The following NRXN1 variants were observed in gnomAD, a reference collection of about 807,000 sequenced individuals.
NRXN1 encodes the protein neurexin 1.
A neutral mutation model predicts 150.9 loss-of-function variants in NRXN1; 39 were observed. The ratio of observed to expected loss-of-function variants is 0.26; its 90% confidence interval spans 0.20 to 0.34. The LOEUF is 0.34. Ranked by LOEUF, NRXN1 falls within the 10% of genes least tolerant of loss-of-function variation. NRXN1 has a pLI of 1.00. For missense variants in NRXN1, 1,815 were observed against 1,949.9 expected (o/e 0.93, Z 1.30); for synonymous variants, 924 against 757.0 (o/e 1.22, Z -3.62).
chr2:50,304,247 C>A (rs2074415697), intron 17 of NRXN1, among the ~76,000 whole-genome samples: 1 of 152,082 alleles, frequency 6.6e-6, no homozygotes, highest in Non-Finnish European at 1.5e-5. Flanking sequence ...GTACCCAGAA[C>A]TGTGCACATT....
intron 5 of NRXN1, among the ~76,000 whole-genome samples, chr2:50,701,571 G>T (rs925372341): frequency 6.6e-6 from 1 of 152,108 alleles, no homozygotes; most frequent in Non-Finnish European, 1.5e-5. Flanking sequence ...GTTAGCACAT[G>T]ATTACCTACC....
chr2:50,968,410 T>C (rs893478027), intron 2 of NRXN1, among the ~76,000 whole-genome samples: 1 of 152,096 alleles, frequency 6.6e-6, no homozygotes, highest in Admixed American at 6.6e-5. Flanking sequence ...GTGACCAAAA[T>C]GAACTCTATT....
intron 5 of NRXN1, among the ~76,000 whole-genome samples, chr2:50,746,291 C>A (rs933774498): frequency 6.6e-6 from 1 of 152,028 alleles, no homozygotes; most frequent in South Asian, 2.1e-4. Flanking sequence ...GGCACAGGGG[C>A]TCATGCCTGT....
intron 19 of NRXN1, among the ~76,000 whole-genome samples, chr2:50,081,376 C>T (rs113234338): frequency 1.9e-4 from 29 of 151,906 alleles, no homozygotes; most frequent in African/African-American, 5.8e-4. Context: ...CAAGAGATCG[C>T]GACCATCCTG....
At chr2:50,583,298 T>A (rs915038846) in intron 8 of NRXN1, among the ~76,000 whole-genome samples, 23 of 152,104 alleles carry the variant, frequency 1.5e-4, no homozygotes, top group Non-Finnish European at 1.5e-5. Flanking sequence ...TGCCTCAGCC[T>A]CCCAAACTGC....
At chr2:50,222,043 G>A (rs1206793120) in intron 18 of NRXN1, among the ~76,000 whole-genome samples, 1 of 151,964 alleles carries the variant, frequency 6.6e-6, no homozygotes, top group East Asian at 1.9e-4. Context: ...GTGACTAGAG[G>A]CAAAATTAAG....
intron 18 of NRXN1, among the ~76,000 whole-genome samples, chr2:50,098,199 T>C (rs570880400): frequency 1.1e-4 from 17 of 152,216 alleles, no homozygotes; most frequent in Admixed American, 2.0e-4. Flanking sequence ...TAATAAAAAG[T>C]ATGTAATATG....
chr2:50,259,786 A>C (rs991016762), intron 17 of NRXN1, among the ~76,000 whole-genome samples: 3 of 151,822 alleles, frequency 2.0e-5, no homozygotes, highest in Non-Finnish European at 2.9e-5. Flanking sequence ...ACTATACTAT[A>C]TTGTCCCAGG....
intron 21 of NRXN1, among the ~76,000 whole-genome samples, chr2:49,986,418 C>A (rs1291544688): frequency 6.6e-6 from 1 of 152,112 alleles, no homozygotes; most frequent in Non-Finnish European, 1.5e-5. Flanking sequence ...CAAAAACATA[C>A]ATTTTAAAGA....
At chr2:50,802,792 G>C (rs1187469796) in intron 5 of NRXN1, among the ~76,000 whole-genome samples, 1 of 152,120 alleles carries the variant, frequency 6.6e-6, no homozygotes, top group Non-Finnish European at 1.5e-5. Context: ...GACACACACA[G>C]AGGGAGGAGG....
At chr2:50,612,335 G>C (rs1678294936) in intron 8 of NRXN1, among the ~76,000 whole-genome samples, 1 of 152,056 alleles carries the variant, frequency 6.6e-6, no homozygotes, top group African/African-American at 2.4e-5. Flanking sequence ...ATTCAAAAAA[G>C]GGCTAGTAAA....
intron 5 of NRXN1, among the ~76,000 whole-genome samples, chr2:50,792,509 A>G (rs914589555): frequency 1.3e-5 from 2 of 152,082 alleles, no homozygotes; most frequent in Non-Finnish European, 1.5e-5. Flanking sequence ...GTTATTTGCT[A>G]ATATAATAGA....
intron 20 of NRXN1, 45 bp downstream of exon 20, chr2:50,054,910 G>A: frequency 7.7e-7 from 1 of 1,303,612 alleles, no homozygotes. Flanking sequence ...ACTTGGTTAT[G>A]TTCAAATTAT....
At chr2:51,021,644 T>C (rs1016658163) in intron 2 of NRXN1, among the ~76,000 whole-genome samples, 1 of 152,008 alleles carries the variant, frequency 6.6e-6, no homozygotes, top group Non-Finnish European at 1.5e-5. Flanking sequence ...AAGCCAAATA[T>C]ATTACCTATC....
intron 17 of NRXN1, among the ~76,000 whole-genome samples, chr2:50,314,863 A>G (rs1471466325): frequency 6.6e-6 from 1 of 151,624 alleles, no homozygotes; most frequent in African/African-American, 2.4e-5. Flanking sequence ...CAATTTTTCA[A>G]CCCTTCTGAG....
chr2:50,048,602 A>C (rs1473580897), intron 21 of NRXN1, among the ~76,000 whole-genome samples: 1 of 152,182 alleles, frequency 6.6e-6, no homozygotes, highest in Non-Finnish European at 1.5e-5. Context: ...AGCAAGCAAC[A>C]GAAGTGTCCA....
intron 17 of NRXN1, among the ~76,000 whole-genome samples, chr2:50,401,694 G>C (rs2082401493): frequency 6.6e-6 from 1 of 152,120 alleles, no homozygotes; most frequent in Non-Finnish European, 1.5e-5. Context: ...TGCATGCTGA[G>C]ACCATTTTGG....
At chr2:50,088,619 G>C (rs1057061494) in intron 19 of NRXN1, among the ~76,000 whole-genome samples, 3 of 151,990 alleles carry the variant, frequency 2.0e-5, no homozygotes, top group African/African-American at 7.2e-5. Flanking sequence ...GTAAAGATTT[G>C]CTTCTTATTA....
At chr2:50,129,202 C>CA (rs1222888734) in intron 18 of NRXN1, among the ~76,000 whole-genome samples, 2 of 116,296 alleles carry the variant, frequency 1.7e-5, no homozygotes, top group Non-Finnish European at 4.1e-5. Context: ...ACTACTAAAG[C>CA]ATTTTTTTTT....
Sources: allele counts gnomAD v4.1 joint callset (sites outside exome capture counted in the v4.1 genomes callset), GRCh38; gene constraint gnomAD v4.1.1; transcripts MANE v1.5; gene names NCBI Gene and HGNC (gene_info 2026-07-23, HGNC 2026-07-21).